Variants in MYH10 observed in about 807,000 individuals in gnomAD.
MYH10 encodes the protein myosin-10.
Under a neutral mutation model 257.8 loss-of-function variants are expected in MYH10, and 55 were observed. The ratio of observed to expected loss-of-function variants is 0.21; its 90% CI spans 0.17 to 0.27. The LOEUF is 0.27. MYH10 is among the 10% of genes least tolerant of loss of function. The probability of loss-of-function intolerance (pLI) is 1.00; values close to 1 mark genes in which losing one functional copy is unlikely to be tolerated. For missense variants in MYH10, 1,631 were observed against 2,500.6 expected (o/e 0.65, Z 7.42); for synonymous variants, 854 against 921.7 (o/e 0.93, Z 1.33).
chr17:8,580,985 C>A (rs1346216746), intron 4 of MYH10, among the ~76,000 whole-genome samples: 7 of 152,118 alleles, frequency 4.6e-5, no homozygotes. Context: ...GAAAGATGAG[C>A]AAGAACTGGC....
At chr17:8,498,417 A>G (rs1917000349) in intron 30 of MYH10, among the ~76,000 whole-genome samples, 1 of 152,196 alleles carries the variant, frequency 6.6e-6, no homozygotes, top group South Asian at 2.1e-4. Flanking sequence ...TCTGCAATGA[A>G]CATTCTTGAA....
At chr17:8,496,028 A>G (rs550942057) in intron 30 of MYH10, among the ~76,000 whole-genome samples, 1 of 152,178 alleles carries the variant, frequency 6.6e-6, no homozygotes, top group Non-Finnish European at 1.5e-5. Context: ...TTTAGGTTTC[A>G]AAAAACTGGT....
rs374090690 is a variant in MYH10, at chr17:8,481,304, C to T, written c.5264+18G>A. 410 of 1,612,016 alleles carry T rather than the reference C, an allele frequency of 2.5e-4. No homozygotes were observed. The highest frequency in any genetic ancestry group is 8.8e-4 in the African/African-American group (66 of 74,926). ...TGCCTGAGGGCGAAGAACCCACCCC[C>T]GGCCGTGGGAGACTCACTTGCCAGA... On this transcript the variant is annotated intron_variant, in intron 38 of 42. Transcript: ENST00000360416.
Position 8,535,685 on chromosome 17 carries a change from C to T in MYH10, c.1779+73G>A, listed in dbSNP as rs2082122015. The T allele has an allele frequency of 2.1e-6, 3 of 1,456,914 alleles. No individual in the cohort carries two copies. The highest frequency in any genetic ancestry group is 2.8e-6 in the Non-Finnish European group (3 of 1,055,452). 90.2% of individuals were successfully genotyped at this position (1,456,914 alleles called of 1,614,324 possible). On this transcript the variant is annotated intron_variant, in intron 15 of 42. Transcript: ENST00000360416. The surrounding 1 kb of genome is among the most constrained non-coding windows in gnomAD (Gnocchi z 4.3). The stretch of plus-strand genomic sequence containing the variant: ...TAAATGTTTATCAGCACCTTTGTTA[C>T]ACCTTCATAAAAATGTAGCAAAATT...
intron 6 of MYH10, among the ~76,000 whole-genome samples, chr17:8,571,389 T>C (rs563436048): frequency 1.3e-5 from 2 of 151,598 alleles, no homozygotes; most frequent in Admixed American, 6.6e-5. Flanking sequence ...TTAGCCAGGA[T>C]GGTCTCGTGC....
At chr17:8,523,634 A>G (rs2081734124) in intron 17 of MYH10, among the ~76,000 whole-genome samples, 2 of 152,152 alleles carry the variant, frequency 1.3e-5, no homozygotes, top group African/African-American at 4.8e-5. Context: ...CTGCCTGCAG[A>G]ATGGCCTGGG....
At chr17:8,501,902 T>C (rs1035924183) in intron 28 of MYH10, among the ~76,000 whole-genome samples, 3 of 152,220 alleles carry the variant, frequency 2.0e-5, no homozygotes, top group African/African-American at 7.2e-5. Flanking sequence ...ACCAGAGTTA[T>C]TCACTGTCTA....
At chr17:8,600,142 C>G (rs1239018085) in intron 3 of MYH10, among the ~76,000 whole-genome samples, 3 of 152,162 alleles carry the variant, frequency 2.0e-5, no homozygotes, top group Non-Finnish European at 2.9e-5. Flanking sequence ...GAAGCATCAG[C>G]AACCCAAGTA....
intron 38 of MYH10, 67 bp downstream of exon 38, chr17:8,481,255 C>T: frequency 6.7e-7 from 1 of 1,501,790 alleles, no homozygotes; most frequent in Non-Finnish European, 9.2e-7. Context: ...GTGTGGACAC[C>T]TCCAGCCTTC....
chr17:8,572,257 T>TGAGA (rs761733404), intron 6 of MYH10, among the ~76,000 whole-genome samples: 1 of 97,016 alleles, frequency 1.0e-5, no homozygotes, highest in African/African-American at 3.8e-5. Flanking sequence ...TGTGTGTGTG[T>TGAGA]GAGTGAGAGA....
At chr17:8,546,892 C>T (rs2082462514) in intron 11 of MYH10, among the ~76,000 whole-genome samples, 1 of 152,174 alleles carries the variant, frequency 6.6e-6, no homozygotes, top group Admixed American at 6.5e-5. Context: ...ATTTGACTGC[C>T]TTGCCTATTT....
At position 8,506,249 on chromosome 17, in the gene MYH10, G is replaced by A. The variant is rs1315805979; in HGVS notation, c.3386+69C>T. On this transcript the variant is annotated intron_variant, in intron 27 of 42. Transcript: ENST00000360416. The surrounding 1 kb of genome is among the most constrained non-coding windows in gnomAD (Gnocchi z 5.0). Reference sequence around the variant, plus strand: ...TCTCCCAGGGTTTTTGAATGCTCCCGAACATAACAAAGTCTGCTGAAACTC... The same window carrying A: ...TCTCCCAGGGTTTTTGAATGCTCCCAAACATAACAAAGTCTGCTGAAACTC... The A allele has an allele frequency of 4.7e-6, 7 of 1,474,184 alleles. No homozygotes were observed. The highest frequency in any genetic ancestry group is 3.8e-4 in the Middle Eastern group (2 of 5,260). 91.3% of individuals were successfully genotyped at this position (1,474,184 alleles called of 1,614,324 possible).
At chr17:8,551,152 T>TAAATA (rs57353412) in intron 9 of MYH10, among the ~76,000 whole-genome samples, 1 of 146,830 alleles carries the variant, frequency 6.8e-6, no homozygotes, top group African/African-American at 2.5e-5. Flanking sequence ...AATAAATAAA[T>TAAATA]AATAAATTTA....
At chr17:8,479,349 G>A (rs1023040884) in intron 40 of MYH10, among the ~76,000 whole-genome samples, 2 of 152,174 alleles carry the variant, frequency 1.3e-5, no homozygotes, top group African/African-American at 4.8e-5. Context: ...TTATTTGGAG[G>A]ACTCCATGGA....
chr17:8,571,038 C>T (rs993394826), intron 6 of MYH10, among the ~76,000 whole-genome samples: 8 of 152,118 alleles, frequency 5.3e-5, no homozygotes, highest in African/African-American at 1.4e-4. Flanking sequence ...CCAGTCTTGT[C>T]AAGAACCTCA....
Position 8,630,715 on chromosome 17 carries a change from C to G in MYH10, c.-93G>C, listed in dbSNP as rs1160557344. ...AGCCGCGACCACAGATCCAGCGCCT[C>G]AGTCCCAAACCCACCGCTGCCTCCG... On this transcript the variant is annotated 5_prime_UTR_variant, in exon 1 of 43. Transcript: ENST00000360416. 6.6e-6 allele frequency: 1 copy of G among 152,600 alleles called. No homozygotes were observed. Among genetic ancestry groups the G allele is most frequent in the Non-Finnish European group, 1.5e-5 (1 of 68,558 alleles). The allele number at this position is 152,600 out of a possible 1,614,324, so 9.5% of individuals were successfully genotyped here.
intron 25 of MYH10, among the ~76,000 whole-genome samples, chr17:8,509,253 G>A (rs567820314): frequency 4.2e-4 from 64 of 152,342 alleles, no homozygotes; most frequent in African/African-American, 1.5e-3. Context: ...GTAACATGCT[G>A]TACAAGTGTG....
chr17:8,565,549 A>G (rs916619570), intron 7 of MYH10, among the ~76,000 whole-genome samples: 5 of 152,248 alleles, frequency 3.3e-5, no homozygotes, highest in African/African-American at 1.2e-4. Context: ...GCCCAAAGTA[A>G]ACAATTTAAA....
At chr17:8,626,004 T>C (rs1230017345) in intron 1 of MYH10, among the ~76,000 whole-genome samples, 1 of 152,180 alleles carries the variant, frequency 6.6e-6, no homozygotes, top group African/African-American at 2.4e-5. Context: ...TAGACTTGGA[T>C]AAAACAAAAA....
Sources: gnomAD v4.1 joint callset for allele counts (sites outside exome capture counted in the v4.1 genomes callset) on GRCh38, gnomAD v4.1.1 for gene constraint, Gnocchi (gnomAD v3.1) non-coding constraint, MANE v1.5 for transcripts, NCBI Gene and HGNC (gene_info 2026-07-23, HGNC 2026-07-21) for gene names.